The following KPNA1 variants were observed in gnomAD, a reference collection of about 807,000 sequenced individuals.
KPNA1 encodes the protein karyopherin subunit alpha 1.
In KPNA1, 10 loss-of-function variants were observed where a neutral mutation model predicts 70.5. That is an observed-to-expected ratio of 0.14 (90% CI 0.09 to 0.24). KPNA1 has a LOEUF of 0.24. KPNA1 is among the 10% of genes least tolerant of loss of function. The pLI is 1.00. For synonymous variants in KPNA1, 192 were observed against 221.9 expected, an observed-to-expected ratio of 0.87 and a Z score of 1.20; for missense variants, 397 against 637.9, an observed-to-expected ratio of 0.62 and a Z score of 4.07.
chr3:122,437,310 T>C lies in KPNA1; in HGVS notation c.997-15A>G, dbSNP rs1478755068. 2.5e-6 allele frequency: 4 copies of C among 1,578,428 alleles called. No individual in the cohort carries two copies. The highest frequency in any genetic ancestry group is 1.8e-5 in the Admixed American group (1 of 54,314). On this transcript the variant is annotated splice_polypyrimidine_tract_variant and intron_variant, in intron 10 of 13. Transcript: ENST00000344337. ...TTCAGAATTACCTAAAAGAAAAAGT[T>C]TGAAAATTTTACTTATTGTATTGTT... is the stretch of plus-strand genomic sequence containing the variant.
intron 10 of KPNA1, 84 bp from the exon 11 acceptor site, chr3:122,437,379 C>T: frequency 2.1e-6 from 2 of 949,270 alleles, no homozygotes; most frequent in Non-Finnish European, 3.0e-6. Context: ...TTATGAAAGA[C>T]ATAACATCTC....
intron 8 of KPNA1, among the ~76,000 whole-genome samples, chr3:122,450,881 A>C (rs1160220848): frequency 6.6e-6 from 1 of 152,194 alleles, no homozygotes. Flanking sequence ...CAAGTAGATA[A>C]AGTCACTCAG....
At chr3:122,489,373 T>G (rs1460790597) in intron 2 of KPNA1, among the ~76,000 whole-genome samples, 4 of 151,894 alleles carry the variant, frequency 2.6e-5, no homozygotes, top group Non-Finnish European at 4.4e-5. Flanking sequence ...CAATGAAGCC[T>G]CAAACTCCTG....
chr3:122,460,788 T>C, intron 5 of KPNA1: 1 of 418,444 alleles, frequency 2.4e-6, no homozygotes, highest in Non-Finnish European at 3.2e-6. Context: ...CCTTATCGGC[T>C]TTTTGTGGGG....
intron 5 of KPNA1, 136 bp from the exon 6 acceptor site, chr3:122,454,137 A>G (rs1462270440): frequency 3.8e-6 from 2 of 528,928 alleles, no homozygotes; most frequent in African/African-American, 3.9e-5. Context: ...TGAGTACTAT[A>G]TTAATTTTAA....
intron 1 of KPNA1, among the ~76,000 whole-genome samples, chr3:122,503,240 G>T (rs959299506): frequency 2.7e-5 from 4 of 150,666 alleles, no homozygotes; most frequent in Non-Finnish European, 1.5e-5. Flanking sequence ...TAAAGCCAGT[G>T]TTGGAAGCAT....
Position 122,426,145 on chromosome 3 carries a change from G to A in KPNA1, c.*840C>T, listed in dbSNP as rs544516098. The A allele has an allele frequency of 7.9e-5, 12 of 152,024 alleles. No homozygotes were observed. Among genetic ancestry groups the A allele is most frequent in the Admixed American group, 1.3e-4 (2 of 15,256 alleles). 9.4% of individuals were successfully genotyped at this position (152,024 alleles called of 1,614,324 possible). On this transcript the variant is annotated 3_prime_UTR_variant, in exon 14 of 14. Transcript: ENST00000344337. ...TATTAAATTACAGGATATGGTTTTC[G>A]ATTACTAAGTATTCGAAATCCTCAT...
At chr3:122,442,179 G>T (rs758311485) in intron 9 of KPNA1, 63 bp from the exon 10 acceptor site, 55 of 1,354,970 alleles carry the variant, frequency 4.1e-5, no homozygotes, top group Non-Finnish European at 3.3e-5. Context: ...TTCCTTCCAA[G>T]ACCAAAATTA....
rs552269451 is a variant in KPNA1, at chr3:122,443,653, G to A, written c.918-1537C>T. On this transcript the variant is annotated intron_variant, in intron 9 of 13. Coordinates refer to ENST00000344337, the MANE Select transcript of KPNA1 (RefSeq NM_002264.4). ...AGAGAAATTTTACACCTGAGTCTCCGGGGGTGACATCACATGTCGGCAGGT... is the reference window on the plus strand; with the variant it reads ...AGAGAAATTTTACACCTGAGTCTCCAGGGGTGACATCACATGTCGGCAGGT... Among the ~76,000 whole-genome samples, 14 of 152,272 alleles carry A rather than the reference G, an allele frequency of 9.2e-5. No homozygotes were observed. The South Asian group carries it at 1.2e-3, about 14-fold the overall frequency.
chr3:122,442,175 C>T (rs1247895029), intron 9 of KPNA1, 59 bp from the exon 10 acceptor site: 2 of 1,370,900 alleles, frequency 1.5e-6, no homozygotes, highest in Admixed American at 3.8e-5. Flanking sequence ...TCATTTCCTT[C>T]CAAGACCAAA....
chr3:122,474,841 T>C (rs1021834425), intron 2 of KPNA1, among the ~76,000 whole-genome samples: 3 of 152,012 alleles, frequency 2.0e-5, no homozygotes, highest in Admixed American at 6.6e-5. Context: ...AAATTAGGTA[T>C]AGAAAGAATT....
At chr3:122,455,180 T>C (rs1269130536) in intron 5 of KPNA1, among the ~76,000 whole-genome samples, 2 of 152,202 alleles carry the variant, frequency 1.3e-5, no homozygotes, top group Non-Finnish European at 2.9e-5. Flanking sequence ...TCTTTGGGAA[T>C]AGAGGAAGAC....
At chr3:122,472,998 C>G (rs1435268812) in intron 2 of KPNA1, among the ~76,000 whole-genome samples, 1 of 152,036 alleles carries the variant, frequency 6.6e-6, no homozygotes, top group Admixed American at 6.6e-5. Flanking sequence ...CCAGAATCAC[C>G]TGGACCCGGG....
Position 122,425,271 on chromosome 3 carries a change from G to A in KPNA1, c.*1714C>T, listed in dbSNP as rs1363516787. 2 of 152,656 alleles carry A rather than the reference G, an allele frequency of 1.3e-5. No homozygotes were observed. Among genetic ancestry groups the A allele is most frequent in the East Asian group, 3.8e-4 (2 of 5,202 alleles). The allele number at this position is 152,656 out of a possible 1,614,324, so 9.5% of individuals were successfully genotyped here. The stretch of plus-strand genomic sequence containing the variant: ...AAGTTGGCTGCTTAAATAACATCAT[G>A]ATGAGGTATGAAAAGCTCTGAATAT... On this transcript the variant is annotated 3_prime_UTR_variant, in exon 14 of 14. Coordinates refer to ENST00000344337, the MANE Select transcript of KPNA1 (RefSeq NM_002264.4).
chr3:122,434,473 A>G (rs1316335999), intron 11 of KPNA1, among the ~76,000 whole-genome samples: 1 of 152,190 alleles, frequency 6.6e-6, no homozygotes, highest in Non-Finnish European at 1.5e-5. Flanking sequence ...CTGGAGCATC[A>G]GCCCAGGGTA....
rs1241716082 is a variant in KPNA1, at chr3:122,423,273, T to G, written c.*3712A>C. On this transcript the variant is annotated 3_prime_UTR_variant, in exon 14 of 14. Transcript: ENST00000344337. ...CAGATATATACTTAATCTGTTCAGC[T>G]CACAACAGAGAGAAATGGTCATATT... is the stretch of plus-strand genomic sequence containing the variant. 2 of 152,200 alleles carry G rather than the reference T, an allele frequency of 1.3e-5. No individual in the cohort carries two copies. Among genetic ancestry groups the G allele is most frequent in the Non-Finnish European group, 2.9e-5 (2 of 68,052 alleles). The allele number at this position is 152,200 out of a possible 1,614,324, so 9.4% of individuals were successfully genotyped here.
At chr3:122,478,894 CAAAAAAAAAA>C (rs57843662) in intron 2 of KPNA1, among the ~76,000 whole-genome samples, 40 of 18,684 alleles carry the variant, frequency 2.1e-3, no homozygotes, top group East Asian at 0.011. Flanking sequence ...AACCTCGTCT[CAAAAAAAAAA>C]AAAAAAAAAA....
At chr3:122,487,171 G>C (rs1051370766) in intron 2 of KPNA1, among the ~76,000 whole-genome samples, 1 of 152,096 alleles carries the variant, frequency 6.6e-6, no homozygotes, top group African/African-American at 2.4e-5. Flanking sequence ...GACAAAACCA[G>C]AATGTAAGGA....
At chr3:122,432,619 A>G (rs1431804405) in intron 12 of KPNA1, 1 of 152,206 alleles carries the variant, frequency 6.6e-6, no homozygotes, top group Admixed American at 6.5e-5. Flanking sequence ...TGGATTCCCC[A>G]TAAAGTTAAG....
Sources: allele counts gnomAD v4.1 joint callset (sites outside exome capture counted in the v4.1 genomes callset), GRCh38; gene constraint gnomAD v4.1.1; transcripts MANE v1.5; gene names NCBI Gene and HGNC (gene_info 2026-07-23, HGNC 2026-07-21).